GJB2: variants seen among roughly 807,000 people sequenced by gnomAD.
The protein encoded by GJB2 is gap junction beta-2 protein.
A neutral mutation model predicts 16.0 loss-of-function variants in GJB2; 30 were observed. That is an observed-to-expected ratio of 1.88 (90% confidence interval 1.41 to 2.55). GJB2 has a LOEUF of 2.55. Among genes scored for constraint, GJB2 ranks in the 30% most tolerant of loss-of-function variants. GJB2 has a pLI of 0.00. For missense variants in GJB2, 284 were observed against 289.7 expected (o/e 0.98, Z 0.14); for synonymous variants, 123 against 119.1 (o/e 1.03, Z -0.21).
intron 1 of GJB2, 65 bp from the exon 2 acceptor site, chr13:20,189,668 G>A: frequency 8.1e-7 from 1 of 1,239,062 alleles, no homozygotes; most frequent in East Asian, 2.3e-5. Flanking sequence ...AGACTTCTCT[G>A]AGTCTGGGTA....
chr13:20,189,983 TC>T (rs1959067353), intron 1 of GJB2, among the ~76,000 whole-genome samples: 1 of 152,206 alleles, frequency 6.6e-6, no homozygotes, highest in African/African-American at 2.4e-5. Flanking sequence ...CCTTGGGTCT[TC>T]CTGACTCTGC....
At chr13:20,192,378 A>G (rs1210354769) in intron 1 of GJB2, among the ~76,000 whole-genome samples, 1 of 152,120 alleles carries the variant, frequency 6.6e-6, no homozygotes, top group African/African-American at 2.4e-5. Flanking sequence ...GGCGAAACGG[A>G]GCTTTGCTTC....
Position 20,189,016 on chromosome 13 carries a change from GTC to G in GJB2, c.564_565del (p.Lys188AsnfsTer21), listed in dbSNP as rs770116143. On this transcript the variant is annotated frameshift_variant, in exon 2 of 2. Transcript: ENST00000382848. LOFTEE classifies it high-confidence loss of function. ...TGCAATCATGAACACTGTGAAGACA[GTC>G]TTCTCCGTGGGCCGGGACACAAAGC... The G allele has an allele frequency of 5.0e-6, 8 of 1,613,974 alleles. No individual in the cohort carries two copies. The African/African-American group carries it at 1.1e-4, about 22-fold the overall frequency.
At position 20,187,623 on chromosome 13, in the gene GJB2, A is replaced by C. The variant is rs1465800478; in HGVS notation, c.*1278T>G. The C allele has an allele frequency of 6.6e-6, 1 of 152,194 alleles. No individual in the cohort carries two copies. Among genetic ancestry groups the C allele is most frequent in the Non-Finnish European group, 1.5e-5 (1 of 68,048 alleles). The allele number at this position is 152,194 out of a possible 1,614,324, so 9.4% of individuals were successfully genotyped here. A position where few individuals can be genotyped will look rare whatever the true frequency, so the allele number is the denominator to read the frequency against. On this transcript the variant is annotated 3_prime_UTR_variant, in exon 2 of 2. Coordinates refer to ENST00000382848, the MANE Select transcript of GJB2 (RefSeq NM_004004.6). ...ACAGGAAAATACTTACCCTCACTGA[A>C]ATATGTGGAGTACCATTTTTTGGAA...
At chr13:20,190,410 A>G (rs1405064072) in intron 1 of GJB2, among the ~76,000 whole-genome samples, 5 of 152,246 alleles carry the variant, frequency 3.3e-5, no homozygotes, top group East Asian at 1.9e-4. Context: ...CTCAGTTAGC[A>G]TATCTGTTTT....
chr13:20,191,770 C>T (rs528950981), intron 1 of GJB2, among the ~76,000 whole-genome samples: 5 of 152,198 alleles, frequency 3.3e-5, no homozygotes, highest in Non-Finnish European at 7.3e-5. Flanking sequence ...AGGTGAATCA[C>T]CAGGATCCAG....
Position 20,189,204 on chromosome 13 carries a change from G to A in GJB2, c.378C>T (p.Val126=). The change falls in exon 2 of 2, where the codon GTC becomes GTT. Residue 126 remains valine (V), a synonymous_variant. Transcript: ENST00000382848. The part of the protein sequence containing the change: ...KDIEEIKTQK[V]RIEGSLWWTY... ...TCCACCACAGGGAGCCTTCGATGCG[G>A]ACCTTCTGGGTTTTGATCTCCTCGA... The A allele has an allele frequency of 6.2e-7, 1 of 1,613,730 alleles. No homozygotes were observed.
At chr13:20,190,550 T>C (rs1959070533) in intron 1 of GJB2, among the ~76,000 whole-genome samples, 1 of 152,262 alleles carries the variant, frequency 6.6e-6, no homozygotes, top group African/African-American at 2.4e-5. Flanking sequence ...CTAAGCGACG[T>C]CACTGCATTG....
In GJB2 at chr13:20,189,229, A is replaced by G. The variant is rs761376869; in HGVS notation, c.353T>C (p.Ile118Thr). The G allele has an allele frequency of 6.2e-7, 1 of 1,613,626 alleles. No individual in the cohort carries two copies. The highest frequency in any genetic ancestry group is 8.5e-7 in the Non-Finnish European group (1 of 1,180,016). The change falls in exon 2 of 2, where the codon ATC becomes ACC. Residue 118 changes from isoleucine (I) to threonine (T), a missense_variant. By Grantham distance (89) the Ile-to-Thr change is moderately conservative. Transcript: ENST00000382848. ...KGEIKSEFKD[I>T]EEIKTQKVRI... ...GACCTTCTGGGTTTTGATCTCCTCG[A>G]TGTCCTTAAATTCACTCTTTATCTC...
At position 20,189,547 on chromosome 13, in the gene GJB2, C is replaced by T. The variant is rs1801002; in HGVS notation, c.35G>A (p.Gly12Asp). The change falls in exon 2 of 2, where the codon GGT (glycine) becomes GAT (aspartate). Residue 12 changes from glycine (G) to aspartate (D), a missense_variant. Gly to Asp is a moderately conservative substitution (Grantham distance 94). Coordinates refer to ENST00000382848, the MANE Select transcript of GJB2 (RefSeq NM_004004.6). ...DWGTLQTILG[G>D]VNKHSTSIGK... ...AATGCTGGTGGAGTGTTTGTTCACA[C>T]CCCCCAGGATCGTCTGCAGCGTGCC... is the stretch of plus-strand genomic sequence containing the variant. 2.2e-5 allele frequency: 35 copies of T among 1,591,136 alleles called. 1 individual carries two copies. Among genetic ancestry groups the T allele is most frequent in the Admixed American group, 2.0e-4 (12 of 59,388 alleles).
Position 20,192,804 on chromosome 13 carries a change from CG to C in GJB2, c.-45del. 1 of 153,384 alleles carries C rather than the reference CG, an allele frequency of 6.5e-6. No homozygotes were observed. Among genetic ancestry groups the C allele is most frequent in the Non-Finnish European group, 1.5e-5 (1 of 68,480 alleles). The allele number at this position is 153,384 out of a possible 1,614,324, so 9.5% of individuals were successfully genotyped here. On this transcript the variant is annotated 5_prime_UTR_variant, in exon 1 of 2. Transcript: ENST00000382848. ...TCACCTGCGTCGGGAGGAAGCGCGGCGGGGCCGGGGCGGGGGTCTCGGCGTT... is the reference window on the plus strand; with the variant it reads ...TCACCTGCGTCGGGAGGAAGCGCGGCGGGCCGGGGCGGGGGTCTCGGCGTT...
rs927813790 is a variant in GJB2, at chr13:20,188,396, A to T, written c.*505T>A. On this transcript the variant is annotated 3_prime_UTR_variant, in exon 2 of 2. Coordinates refer to ENST00000382848, the MANE Select transcript of GJB2 (RefSeq NM_004004.6). ...TTTTCACTTCCAAAAAGTGTAACAG[A>T]GTTTAAGGCACTGGTAACTTTGTCC... 4 of 155,784 alleles carry T rather than the reference A, an allele frequency of 2.6e-5. No homozygotes were observed. The highest frequency in any genetic ancestry group is 9.6e-5 in the African/African-American group (4 of 41,486). The allele number at this position is 155,784 out of a possible 1,614,324, so 9.7% of individuals were successfully genotyped here. A position where few individuals can be genotyped will look rare whatever the true frequency, so the allele number is the denominator to read the frequency against.
At position 20,189,557 on chromosome 13, in the gene GJB2, T is replaced by C; in HGVS notation, c.25A>G (p.Ile9Val). 6.2e-7 allele frequency: 1 copy of C among 1,614,146 alleles called. No individual in the cohort carries two copies. The highest frequency in any genetic ancestry group is 2.2e-5 in the East Asian group (1 of 44,868). The part of the protein sequence containing the change: MDWGTLQT[I>V]LGGVNKHSTS... Reference sequence around the variant, plus strand: ...GAGTGTTTGTTCACACCCCCCAGGATCGTCTGCAGCGTGCCCCAATCCATC... The same window carrying C: ...GAGTGTTTGTTCACACCCCCCAGGACCGTCTGCAGCGTGCCCCAATCCATC... The change falls in exon 2 of 2, where the codon ATC (isoleucine) becomes GTC (valine). Residue 9 changes from isoleucine to valine, a missense_variant. By Grantham distance (29) the Ile-to-Val change is conservative. Coordinates refer to ENST00000382848, the MANE Select transcript of GJB2 (RefSeq NM_004004.6).
intron 1 of GJB2, among the ~76,000 whole-genome samples, chr13:20,191,384 C>T (rs761326670): frequency 1.3e-5 from 2 of 152,196 alleles, no homozygotes; most frequent in Non-Finnish European, 2.9e-5. Context: ...CCTCTTCCAC[C>T]TGCCAAACCC....
chr13:20,189,395 C>T lies in GJB2; in HGVS notation c.187G>A (p.Val63Met), dbSNP rs370696868. Residue 63 changes from valine (V) to methionine (M), a missense_variant, in exon 2 of 2, where the codon GTG (valine) becomes ATG (methionine). Transcript: ENST00000382848. ...ATGGGGAAGTAGTGATCGTAGCACA[C>T]GTTCTTGCAGCCTGGCTGCAGGGTG... is the stretch of plus-strand genomic sequence containing the variant. The part of the protein sequence containing the change: ...CNTLQPGCKN[V>M]CYDHYFPISH... 16 of 1,613,260 alleles carry T rather than the reference C, an allele frequency of 9.9e-6. No individual in the cohort carries two copies. The highest frequency in any genetic ancestry group is 3.3e-5 in the Admixed American group (2 of 59,994).
rs1415739181 is a variant in GJB2, at chr13:20,189,339, C to G, written c.243G>C (p.Leu81=). The change falls in exon 2 of 2, where the codon CTG becomes CTC. Residue 81 remains leucine, a synonymous_variant. Transcript: ENST00000382848. The stretch of plus-strand genomic sequence containing the variant: ...GGAGCGCTGGCGTGGACACGAAGAT[C>G]AGCTGCAGGGCCCATAGCCGGATGT... The part of the protein sequence containing the change: ...ISHIRLWALQ[L]IFVSTPALLV... The G allele has an allele frequency of 6.2e-7, 1 of 1,614,028 alleles. No homozygotes were observed. The highest frequency in any genetic ancestry group is 1.1e-5 in the South Asian group (1 of 91,088).
intron 1 of GJB2, among the ~76,000 whole-genome samples, chr13:20,191,865 G>T (rs1376256778): frequency 1.3e-5 from 2 of 152,194 alleles, no homozygotes; most frequent in East Asian, 1.9e-4. Context: ...TCCCCAGAGG[G>T]TTCCTCCACC....
In GJB2 at chr13:20,188,930, A is replaced by G. The variant is rs1348069185; in HGVS notation, c.652T>C (p.Cys218Arg). ...ACTGGCTTTTTTGACTTCCCAGAAC[A>G]ATATCTAATTAGCAAATAACACAAT... Reference protein sequence around the residue: ...TELCYLLIRYCSGKSKKPV With the variant: ...TELCYLLIRYRSGKSKKPV Residue 218 changes from cysteine (C) to arginine (R), a missense_variant, in exon 2 of 2, where the codon TGT becomes CGT. Coordinates refer to ENST00000382848, the MANE Select transcript of GJB2 (RefSeq NM_004004.6). The G allele has an allele frequency of 6.2e-7, 1 of 1,613,438 alleles. No individual in the cohort carries two copies. Among genetic ancestry groups the G allele is most frequent in the Non-Finnish European group, 8.5e-7 (1 of 1,180,004 alleles).
At chr13:20,192,492 C>T (rs1339815724) in intron 1 of GJB2, among the ~76,000 whole-genome samples, 2 of 152,192 alleles carry the variant, frequency 1.3e-5, no homozygotes, top group Non-Finnish European at 2.9e-5. Context: ...CACCACAAAC[C>T]TCGCGCTGGC....
Sources: allele counts gnomAD v4.1 joint callset (sites outside exome capture counted in the v4.1 genomes callset), GRCh38; gene constraint gnomAD v4.1.1; transcripts MANE v1.5; gene names NCBI Gene and HGNC (gene_info 2026-07-23, HGNC 2026-07-21).